NKAIN2: variants seen among roughly 807,000 people sequenced by gnomAD.
NKAIN2 encodes the protein sodium/potassium transporting ATPase interacting 2, also known as sodium/potassium-transporting ATPase subunit beta-1-interacting protein 2.
In NKAIN2, 14 loss-of-function variants were observed where a neutral mutation model predicts 32.6. The ratio of observed to expected loss-of-function variants is 0.43; its 90% CI spans 0.28 to 0.67. NKAIN2 has a LOEUF of 0.67. NKAIN2 is among the 30% of genes least tolerant of loss of function. NKAIN2 has a pLI of 0.17. For synonymous variants in NKAIN2, 80 were observed against 87.2 expected, an observed-to-expected ratio of 0.92 and a Z score of 0.46; for missense variants, 198 against 258.3, an observed-to-expected ratio of 0.77 and a Z score of 1.60.
chr6:123,983,335 G>A (rs947446824), intron 1 of NKAIN2, among the ~76,000 whole-genome samples: 2 of 152,118 alleles, frequency 1.3e-5, no homozygotes, highest in Non-Finnish European at 2.9e-5. Context: ...GATAAGACTC[G>A]GTCAGATGGC....
intron 1 of NKAIN2, among the ~76,000 whole-genome samples, chr6:124,199,894 A>C (rs1043724410): frequency 2.0e-5 from 3 of 152,174 alleles, no homozygotes; most frequent in Non-Finnish European, 2.9e-5. Context: ...AAACAAAACA[A>C]ATATATCATC....
At chr6:124,649,533 C>T (rs1038182353) in intron 3 of NKAIN2, among the ~76,000 whole-genome samples, 1 of 152,180 alleles carries the variant, frequency 6.6e-6, no homozygotes, top group East Asian at 1.9e-4. Context: ...CTACCAAACA[C>T]GTAAAGAAGA....
intron 1 of NKAIN2, among the ~76,000 whole-genome samples, chr6:124,017,937 G>A (rs1780665569): frequency 1.3e-5 from 2 of 152,316 alleles, no homozygotes; most frequent in South Asian, 4.1e-4. Context: ...TGGGTACTCT[G>A]TGTGTGGGCT....
At chr6:124,218,070 C>T (rs947009498) in intron 1 of NKAIN2, among the ~76,000 whole-genome samples, 3 of 150,840 alleles carry the variant, frequency 2.0e-5, no homozygotes, top group Non-Finnish European at 4.4e-5. Flanking sequence ...AGTAAAAGGC[C>T]GTATGGCAAA....
intron 4 of NKAIN2, among the ~76,000 whole-genome samples, chr6:124,732,889 T>G (rs1562352853): frequency 6.6e-6 from 1 of 152,046 alleles, no homozygotes; most frequent in African/African-American, 2.4e-5. Context: ...TATGTATGTC[T>G]TGTTCTTAAT....
At chr6:124,184,547 T>A (rs892536466) in intron 1 of NKAIN2, among the ~76,000 whole-genome samples, 1 of 152,112 alleles carries the variant, frequency 6.6e-6, no homozygotes, top group African/African-American at 2.4e-5. Flanking sequence ...CAGCACTGAG[T>A]ATCCCTCACT....
At chr6:124,134,841 A>C (rs1786654771) in intron 1 of NKAIN2, among the ~76,000 whole-genome samples, 3 of 152,320 alleles carry the variant, frequency 2.0e-5, no homozygotes, top group Admixed American at 1.3e-4. Context: ...GCATATAGAC[A>C]TCAGGTTATC....
In NKAIN2 at chr6:123,914,166, T is replaced by A. The variant is rs139737959; in HGVS notation, c.54+109912T>A. On this transcript the variant is annotated intron_variant, in intron 1 of 6. Transcript: ENST00000368417. ...GAGGGCCCTCTTTCTCTCTTACCAGTAACTGTCTTCTCACTATGTGCTCAT... is the reference window on the plus strand; with the variant it reads ...GAGGGCCCTCTTTCTCTCTTACCAGAAACTGTCTTCTCACTATGTGCTCAT... Among the ~76,000 whole-genome samples the A allele has an allele frequency of 2.5e-3, 375 of 152,158 alleles. 1 individual carries two copies. The highest frequency in any genetic ancestry group is 8.4e-3 in the African/African-American group (348 of 41,514).
At chr6:124,343,657 C>T (rs973799270) in intron 2 of NKAIN2, among the ~76,000 whole-genome samples, 65 of 149,180 alleles carry the variant, frequency 4.4e-4, no homozygotes, top group South Asian at 1.1e-3. Context: ...TGATATCCTT[C>T]GCCCACTTTT....
chr6:123,889,011 T>A (rs9482485), intron 1 of NKAIN2, among the ~76,000 whole-genome samples: 1,937 of 152,172 alleles, frequency 0.013, 46 homozygotes, highest in African/African-American at 0.044. Context: ...GACCTAGCCT[T>A]AAAGAACAAT....
intron 3 of NKAIN2, among the ~76,000 whole-genome samples, chr6:124,634,554 CA>C (rs1355085622): frequency 2.0e-5 from 3 of 150,982 alleles, no homozygotes; most frequent in African/African-American, 7.3e-5. Context: ...GTCACACACA[CA>C]AAAAAAGAAT....
intron 1 of NKAIN2, among the ~76,000 whole-genome samples, chr6:124,018,527 C>A (rs1780699960): frequency 6.6e-6 from 1 of 152,112 alleles, no homozygotes; most frequent in Non-Finnish European, 1.5e-5. Flanking sequence ...ATTTCTTTCT[C>A]CAGATACTCT....
At chr6:124,116,187 C>A (rs1472443449) in intron 1 of NKAIN2, among the ~76,000 whole-genome samples, 3 of 151,982 alleles carry the variant, frequency 2.0e-5, no homozygotes, top group Non-Finnish European at 4.4e-5. Flanking sequence ...CTATTAGTAA[C>A]AAAATTAAGT....
At chr6:124,184,027 A>C (rs1286444664) in intron 1 of NKAIN2, among the ~76,000 whole-genome samples, 1 of 152,308 alleles carries the variant, frequency 6.6e-6, no homozygotes, top group East Asian at 1.9e-4. Flanking sequence ...GAAAGAGCTC[A>C]GCAGACAGTA....
At chr6:124,636,199 T>A (rs2875761) in intron 3 of NKAIN2, among the ~76,000 whole-genome samples, 4,136 of 150,944 alleles carry the variant, frequency 0.027, 191 homozygotes, top group African/African-American at 0.095. Flanking sequence ...GAATGACCAA[T>A]GAGTCAATGA....
intron 3 of NKAIN2, among the ~76,000 whole-genome samples, chr6:124,416,864 G>T (rs530495149): frequency 6.6e-6 from 1 of 151,968 alleles, no homozygotes; most frequent in African/African-American, 2.4e-5. Context: ...CAGTTATAAG[G>T]AACCCTCCCC....
intron 1 of NKAIN2, among the ~76,000 whole-genome samples, chr6:124,265,876 T>C (rs1383858749): frequency 1.3e-5 from 2 of 152,094 alleles, no homozygotes; most frequent in African/African-American, 2.4e-5. Context: ...GGGACTGGAG[T>C]CTGAGACTGA....
intron 1 of NKAIN2, among the ~76,000 whole-genome samples, chr6:123,845,252 A>G (rs1775041684): frequency 6.6e-6 from 1 of 152,238 alleles, no homozygotes; most frequent in African/African-American, 2.4e-5. Context: ...CAGTTTAATA[A>G]TATGAAGAAT....
chr6:123,838,190 A>G (rs1039877149), intron 1 of NKAIN2, among the ~76,000 whole-genome samples: 2 of 152,230 alleles, frequency 1.3e-5, no homozygotes, highest in African/African-American at 4.8e-5. Flanking sequence ...TCTGAAATCA[A>G]GAGAACTGAA....
Sources: gnomAD v4.1 joint callset for allele counts (sites outside exome capture counted in the v4.1 genomes callset) on GRCh38, gnomAD v4.1.1 for gene constraint, MANE v1.5 for transcripts, NCBI Gene and HGNC (gene_info 2026-07-23, HGNC 2026-07-21) for gene names.